Variants in N4BP2L2 observed in about 807,000 individuals in gnomAD.
The protein encoded by N4BP2L2 is NEDD4 binding protein 2 like 2, also known as NEDD4-binding protein 2-like 2.
Under a neutral mutation model 56.2 loss-of-function variants are expected in N4BP2L2, and 50 were observed. That is an observed-to-expected ratio of 0.89 (90% CI 0.71 to 1.13). N4BP2L2 has a LOEUF of 1.13. Among genes scored for constraint, N4BP2L2 ranks in the 50% most tolerant of loss-of-function variants. N4BP2L2 has a pLI of 0.00. For synonymous variants in N4BP2L2, 203 were observed against 223.6 expected (o/e 0.91, Z 0.82); for missense variants, 689 against 693.8 (o/e 0.99, Z 0.08).
chr13:32,537,807 T>C (rs2056924326), intron 1 of N4BP2L2, among the ~76,000 whole-genome samples: 1 of 152,156 alleles, frequency 6.6e-6, no homozygotes, highest in Admixed American at 6.6e-5. Flanking sequence ...GCAGAGTGGT[T>C]CAAGCCTGTA....
rs767441984 is a variant in N4BP2L2 at position 32,442,955 on chromosome 13, A to G, written c.1537T>C (p.Leu513=). 7.4e-6 allele frequency: 12 copies of G among 1,613,266 alleles called. No individual in the cohort carries two copies. In the African/African-American group the frequency reaches 1.5e-4, roughly 20 times the overall value. ...GAAATTCTATCTTTTTCTTCTCCCA[A>G]AGTAATTTTTAGTCCATGGTTTTTT... The change falls in exon 7 of 10, where the codon TTG becomes CTG. Residue 513 remains leucine (L), a synonymous_variant. Transcript: ENST00000357505.
intron 7 of N4BP2L2, among the ~76,000 whole-genome samples, chr13:32,439,245 C>A (rs1429239584): frequency 6.6e-6 from 1 of 152,164 alleles, no homozygotes; most frequent in Non-Finnish European, 1.5e-5. Flanking sequence ...ATAAGCTTAT[C>A]ATTTATATTT....
chr13:32,439,775 G>A (rs976930292), intron 7 of N4BP2L2, among the ~76,000 whole-genome samples: 2 of 151,378 alleles, frequency 1.3e-5, no homozygotes, highest in Non-Finnish European at 2.9e-5. Flanking sequence ...CACTTTGGGA[G>A]GCCGAGGTGG....
chr13:32,458,557 G>A (rs1030605384), intron 6 of N4BP2L2, among the ~76,000 whole-genome samples: 4 of 152,130 alleles, frequency 2.6e-5, no homozygotes, highest in African/African-American at 7.2e-5. Flanking sequence ...ATTATATAAT[G>A]ACAAATGGAC....
At chr13:32,497,721 A>C (rs2089059425) in intron 6 of N4BP2L2, among the ~76,000 whole-genome samples, 1 of 152,230 alleles carries the variant, frequency 6.6e-6, no homozygotes, top group Non-Finnish European at 1.5e-5. Flanking sequence ...TACAAATATT[A>C]TGGCTTTGCC....
chr13:32,463,157 T>C (rs984286438), intron 6 of N4BP2L2, among the ~76,000 whole-genome samples: 9 of 150,278 alleles, frequency 6.0e-5, no homozygotes, highest in African/African-American at 2.2e-4. Context: ...AGTTGGAGAG[T>C]GTAACAACTG....
intron 6 of N4BP2L2, among the ~76,000 whole-genome samples, chr13:32,469,816 GT>G (rs2081970930): frequency 6.6e-6 from 1 of 152,208 alleles, no homozygotes. Flanking sequence ...GGAGAAGGAT[GT>G]TACTGTACAG....
At chr13:32,537,271 CAT>C (rs2056792304) in intron 1 of N4BP2L2, among the ~76,000 whole-genome samples, 1 of 151,506 alleles carries the variant, frequency 6.6e-6, no homozygotes, top group African/African-American at 2.4e-5. Flanking sequence ...TGTATATATA[CAT>C]ATATATCTCT....
intron 6 of N4BP2L2, among the ~76,000 whole-genome samples, chr13:32,462,968 A>AGGAGGC (rs1463981784): frequency 1.3e-5 from 2 of 151,182 alleles, no homozygotes. Flanking sequence ...GCTTGAACCC[A>AGGAGGC]GGAGGCGGAG....
At chr13:32,437,648 C>T (rs1042423517) in intron 8 of N4BP2L2, among the ~76,000 whole-genome samples, 2 of 152,180 alleles carry the variant, frequency 1.3e-5, no homozygotes, top group African/African-American at 4.8e-5. Flanking sequence ...GACCACAGAT[C>T]ACAACAATAG....
intron 5 of N4BP2L2, 93 bp downstream of exon 5, chr13:32,521,280 C>T: frequency 2.0e-6 from 2 of 1,019,574 alleles, no homozygotes; most frequent in Non-Finnish European, 3.0e-6. Context: ...TTTCCTGAAC[C>T]TACATTTGTA....
At chr13:32,438,365 A>G (rs1243462406) in intron 8 of N4BP2L2, among the ~76,000 whole-genome samples, 1 of 152,240 alleles carries the variant, frequency 6.6e-6, no homozygotes, top group African/African-American at 2.4e-5. Flanking sequence ...GATTTCACTC[A>G]TATATGAAAT....
chr13:32,456,583 A>G (rs1373763371), intron 6 of N4BP2L2, among the ~76,000 whole-genome samples: 14 of 152,238 alleles, frequency 9.2e-5, no homozygotes, highest in Admixed American at 9.2e-4. Flanking sequence ...TGATAATCAA[A>G]GTAGCTCAGT....
chr13:32,536,741 G>T, exon 2 of N4BP2L2: 1 of 1,614,080 alleles, frequency 6.2e-7, no homozygotes, highest in South Asian at 1.1e-5. Flanking sequence ...TGAATCAATG[G>T]ATTCAATAAC....
intron 6 of N4BP2L2, among the ~76,000 whole-genome samples, chr13:32,483,829 C>A (rs1299057194): frequency 6.6e-6 from 1 of 151,660 alleles, no homozygotes; most frequent in African/African-American, 2.4e-5. Flanking sequence ...AAAACCAATA[C>A]AAAATTAGCC....
At chr13:32,531,059 T>C in intron 2 of N4BP2L2, among the ~76,000 whole-genome samples, 1 of 152,114 alleles carries the variant, frequency 6.6e-6, no homozygotes. Flanking sequence ...CAATCCAACA[T>C]AGCTCACAAG....
rs1350483803 is a variant in N4BP2L2, at chr13:32,525,162, C to G, written c.1384+2246G>C. ...TGCCCTGTCTATTCATTCAACTTAT[C>G]AACTAATCTTGCTCCCCTTACCTTT... On this transcript the variant is annotated intron_variant, in intron 3 of 5. Transcript: ENST00000267068. 2.0e-5 allele frequency: 3 copies of G among 152,204 alleles called. No individual in the cohort carries two copies. In the East Asian group the frequency reaches 5.8e-4, roughly 29 times the overall value. 9.4% of individuals were successfully genotyped at this position (152,204 alleles called of 1,614,324 possible). A position where few individuals can be genotyped will look rare whatever the true frequency, so the allele number is the denominator to read the frequency against.
chr13:32,527,347 A>G (rs1594079787), intron 3 of N4BP2L2, 61 bp downstream of exon 3: 6 of 1,570,304 alleles, frequency 3.8e-6, no homozygotes, highest in Non-Finnish European at 4.3e-6. Flanking sequence ...TGAAAATAAA[A>G]TCTAGGTCTT....
chr13:32,510,093 C>A (rs1437334494), downstream of N4BP2L2, among the ~76,000 whole-genome samples: 1 of 151,904 alleles, frequency 6.6e-6, no homozygotes, highest in Non-Finnish European at 1.5e-5. Flanking sequence ...ATAAAAAGTT[C>A]CTATTATAGA....
Sources: allele counts gnomAD v4.1 joint callset (sites outside exome capture counted in the v4.1 genomes callset), GRCh38; gene constraint gnomAD v4.1.1; transcripts MANE v1.5; gene names NCBI Gene and HGNC (gene_info 2026-07-23, HGNC 2026-07-21).